NREP: variants seen among roughly 807,000 people sequenced by gnomAD.
NREP encodes the protein neuronal regeneration-related protein.
A neutral mutation model predicts 8.6 loss-of-function variants in NREP; 5 were observed. The observed-to-expected ratio is 0.58, with a 90% CI of 0.30 to 1.22. NREP has a LOEUF of 1.22. NREP is among the 50% of genes most tolerant of loss of function. The pLI is 0.07. For synonymous variants in NREP, 27 were observed against 28.0 expected (o/e 0.96, Z 0.11); for missense variants, 86 against 82.5 (o/e 1.04, Z -0.17).
intron 2 of NREP, among the ~76,000 whole-genome samples, chr5:111,866,879 G>A (rs1340157780): frequency 2.0e-5 from 3 of 151,732 alleles, no homozygotes; most frequent in African/African-American, 7.3e-5. Flanking sequence ...ATCATTCTCA[G>A]CAAACGATCG....
chr5:111,811,289 A>G (rs1752263595), intron 2 of NREP, among the ~76,000 whole-genome samples: 1 of 151,600 alleles, frequency 6.6e-6, no homozygotes. Flanking sequence ...ATTGAACACC[A>G]CTGAGAAAAT....
chr5:111,753,354 G>GTA (rs941510503), intron 2 of NREP, among the ~76,000 whole-genome samples: 1 of 128,832 alleles, frequency 7.8e-6, no homozygotes, highest in South Asian at 2.4e-4. Context: ...ATATATATAT[G>GTA]TATATATATA....
intron 2 of NREP, among the ~76,000 whole-genome samples, chr5:111,817,682 G>A (rs1405158641): frequency 6.6e-6 from 1 of 150,986 alleles, no homozygotes; most frequent in East Asian, 2.0e-4. Context: ...GCGGGCGCCT[G>A]TAGTCCCAGC....
chr5:111,739,500 T>C (rs550185060), intron 2 of NREP: 17 of 152,314 alleles, frequency 1.1e-4, no homozygotes, highest in African/African-American at 4.1e-4. Context: ...ACTGAAGCTT[T>C]TGAGTGCTGA....
At chr5:111,885,151 A>G (rs1414220522) in intron 2 of NREP, among the ~76,000 whole-genome samples, 7 of 151,990 alleles carry the variant, frequency 4.6e-5, no homozygotes, top group African/African-American at 1.2e-4. Context: ...ATCAATGTGC[A>G]AAAATCACAA....
intron 2 of NREP, among the ~76,000 whole-genome samples, chr5:111,926,038 T>G (rs1188133150): frequency 6.6e-6 from 1 of 152,148 alleles, no homozygotes; most frequent in East Asian, 1.9e-4. Context: ...TCTCTCCATG[T>G]GAGATCATAC....
intron 2 of NREP, among the ~76,000 whole-genome samples, chr5:111,824,187 G>T (rs1332164105): frequency 6.6e-6 from 1 of 152,096 alleles, no homozygotes; most frequent in Admixed American, 6.6e-5. Flanking sequence ...TGGCTAACAC[G>T]GTGAAACCCC....
At chr5:111,877,437 AT>A (rs1257160356) in intron 2 of NREP, among the ~76,000 whole-genome samples, 1 of 152,220 alleles carries the variant, frequency 6.6e-6, no homozygotes, top group Non-Finnish European at 1.5e-5. Context: ...CAACATCAGA[AT>A]CACTCTAAGG....
chr5:111,862,913 G>A lies in NREP; in HGVS notation c.135+112361C>T, dbSNP rs751903641. Reference sequence around the variant, plus strand: ...AAAAAGGAGGGTGACACAAGAGGAGGTTTGCTGAGGTGAGCAGGATACTAG... The same window carrying A: ...AAAAAGGAGGGTGACACAAGAGGAGATTTGCTGAGGTGAGCAGGATACTAG... On this transcript the variant is annotated intron_variant, in intron 2 of 3. Coordinates refer to the NREP transcript ENST00000395634. Among the ~76,000 whole-genome samples, 31 of 150,458 alleles carry A rather than the reference G, an allele frequency of 2.1e-4. 1 individual carries two copies. Among genetic ancestry groups the A allele is most frequent in the South Asian group, 1.3e-3 (6 of 4,702 alleles).
At chr5:111,908,661 T>A (rs184545407) in intron 2 of NREP, among the ~76,000 whole-genome samples, 19 of 151,730 alleles carry the variant, frequency 1.3e-4, no homozygotes, top group African/African-American at 4.6e-4. Flanking sequence ...CACTTTTTTT[T>A]AATCCGATCC....
chr5:111,812,901 G>A (rs1752301283), intron 2 of NREP, among the ~76,000 whole-genome samples: 1 of 152,044 alleles, frequency 6.6e-6, no homozygotes, highest in Non-Finnish European at 1.5e-5. Context: ...TTCTTATTTT[G>A]TAGGTGAGAA....
At chr5:111,758,658 A>G (rs1437099869), upstream of NREP, among the ~76,000 whole-genome samples, 3 of 152,236 alleles carry the variant, frequency 2.0e-5, no homozygotes, top group Non-Finnish European at 2.9e-5. Context: ...AATCACTGAA[A>G]GCAATGTTTT....
chr5:111,970,226 A>C (rs894390380), intron 2 of NREP, among the ~76,000 whole-genome samples: 1 of 150,844 alleles, frequency 6.6e-6, no homozygotes, highest in Non-Finnish European at 1.5e-5. Flanking sequence ...TTGTGGTTCT[A>C]ATTTTTTTTT....
intron 2 of NREP, among the ~76,000 whole-genome samples, chr5:111,935,247 T>C (rs896243585): frequency 5.9e-5 from 9 of 152,062 alleles, no homozygotes; most frequent in Non-Finnish European, 1.3e-4. Context: ...AGCCAATTGA[T>C]GAGCACAGAG....
upstream of NREP, chr5:111,757,734 C>T (rs1170028298): frequency 2.0e-6 from 2 of 984,564 alleles, no homozygotes; most frequent in Admixed American, 6.2e-5. Context: ...GGCCCCGCCC[C>T]GGGAGCACGG....
At chr5:111,737,363 A>G (rs1749218949) in intron 2 of NREP, among the ~76,000 whole-genome samples, 1 of 152,232 alleles carries the variant, frequency 6.6e-6, no homozygotes, top group Non-Finnish European at 1.5e-5. Flanking sequence ...ATGGATATAA[A>G]GTGATTACAT....
chr5:111,875,297 T>G (rs935283280), intron 2 of NREP, among the ~76,000 whole-genome samples: 1 of 151,744 alleles, frequency 6.6e-6, no homozygotes, highest in Admixed American at 6.6e-5. Context: ...CTGAGGCAAA[T>G]AGAAAAAGAA....
intron 2 of NREP, among the ~76,000 whole-genome samples, chr5:111,925,269 T>C (rs1313179568): frequency 1.0e-5 from 1 of 100,098 alleles, no homozygotes; most frequent in African/African-American, 3.3e-5. Flanking sequence ...GACGGAGATG[T>C]CTCTCCGTCT....
chr5:111,730,954 G>A lies in NREP; in HGVS notation c.174C>T (p.Arg58=), dbSNP rs1802859. 2 of 1,613,782 alleles carry A rather than the reference G, an allele frequency of 1.2e-6. No individual in the cohort carries two copies. The highest frequency in any genetic ancestry group is 2.7e-5 in the African/African-American group (2 of 74,906). ...AGTGGAGGTAACTGATTCTTGGGGA[G>A]CGGAGTTCACTGCTGCCCAGTGGAG... ...SLTPLGSSEL[R]SPRISYLHFF is the part of the protein sequence containing the mutation. The change falls in exon 4 of 4, where the codon CGC becomes CGT. Residue 58 remains arginine (R), a synonymous_variant. Coordinates refer to ENST00000257435, the MANE Select transcript of NREP (RefSeq NM_004772.4).
Sources: allele counts gnomAD v4.1 joint callset (sites outside exome capture counted in the v4.1 genomes callset), GRCh38; gene constraint gnomAD v4.1.1; transcripts MANE v1.5; gene names NCBI Gene and HGNC (gene_info 2026-07-23, HGNC 2026-07-21).